Variants in ACO2 observed in about 807,000 individuals in gnomAD.
ACO2 encodes aconitase 2.
In ACO2, 31 loss-of-function variants were observed where a neutral mutation model predicts 84.5. The observed-to-expected ratio is 0.37, with a 90% confidence interval of 0.28 to 0.50. The LOEUF is 0.50. Ranked by LOEUF, ACO2 falls within the 20% of genes least tolerant of loss-of-function variation. The pLI is 0.97. For missense variants in ACO2, 685 were observed against 1,029.3 expected (o/e 0.67, Z 4.58); for synonymous variants, 414 against 412.7 (o/e 1.00, Z -0.04).
intron 1 of ACO2, among the ~76,000 whole-genome samples, chr22:41,470,703 T>G (rs191810181): frequency 1.4e-4 from 21 of 151,976 alleles, no homozygotes; most frequent in Admixed American, 4.6e-4. Flanking sequence ...CCACCATGCT[T>G]GGCTAATTTT....
intron 1 of ACO2, among the ~76,000 whole-genome samples, chr22:41,488,420 G>GA (rs1313147253): frequency 6.6e-6 from 1 of 152,178 alleles, no homozygotes; most frequent in Non-Finnish European, 1.5e-5. Flanking sequence ...GAAAAGCTTG[G>GA]AAGCCTCATG....
At chr22:41,509,898 C>T (rs2146118170) in intron 3 of ACO2, among the ~76,000 whole-genome samples, 1 of 145,494 alleles carries the variant, frequency 6.9e-6, no homozygotes, top group South Asian at 2.2e-4. Context: ...CGGCTCACTG[C>T]AATCTCGGCT....
intron 1 of ACO2, among the ~76,000 whole-genome samples, chr22:41,495,636 T>G (rs1400973338): frequency 6.6e-6 from 1 of 151,526 alleles, no homozygotes; most frequent in Non-Finnish European, 1.5e-5. Context: ...CTTTTTTTTT[T>G]TTGAGACTGA....
intron 15 of ACO2, 24 bp from the exon 16 acceptor site, chr22:41,527,264 A>G: frequency 2.5e-6 from 4 of 1,613,884 alleles, no homozygotes; most frequent in African/African-American, 1.3e-5. Flanking sequence ...CTGCCTTATA[A>G]CCTTACCCCC....
chr22:41,526,763 G>GA (rs1491309531), intron 15 of ACO2: 2 of 366,240 alleles, frequency 5.5e-6, no homozygotes, highest in East Asian at 9.7e-5. Flanking sequence ...AGCTCAGAGA[G>GA]GGGGCTACAC....
chr22:41,512,071 C>T, intron 4 of ACO2, 103 bp downstream of exon 4: 1 of 774,458 alleles, frequency 1.3e-6, no homozygotes, highest in Non-Finnish European at 2.0e-6. Flanking sequence ...CTGAGGGGAA[C>T]TGGATGACAT....
chr22:41,510,316 AC>A (rs1018676448), intron 3 of ACO2, among the ~76,000 whole-genome samples: 34 of 152,284 alleles, frequency 2.2e-4, no homozygotes, highest in Middle Eastern at 3.4e-3. Context: ...ACGTGTAGTC[AC>A]ATGCGCCCAG....
intron 17 of ACO2, chr22:41,528,273 C>T: frequency 1.2e-6 from 1 of 850,842 alleles, no homozygotes. Flanking sequence ...GACAGCCCAC[C>T]CACTGCAGGA....
intron 1 of ACO2, among the ~76,000 whole-genome samples, chr22:41,487,582 C>A (rs533246599): frequency 4.5e-4 from 69 of 152,278 alleles, no homozygotes; most frequent in African/African-American, 1.7e-3. Context: ...CTGCCCCTAA[C>A]TTCTGTTAAC....
intron 9 of ACO2, among the ~76,000 whole-genome samples, chr22:41,521,096 G>T (rs1225084842): frequency 7.6e-6 from 1 of 131,008 alleles, no homozygotes; most frequent in Non-Finnish European, 1.7e-5. Flanking sequence ...TGGCAGAAAA[G>T]AAAAATATGT....
In ACO2 at chr22:41,515,347, C is replaced by G. The variant is rs199518377; in HGVS notation, c.526-30C>G. On this transcript the variant is annotated intron_variant, in intron 4 of 17. Coordinates refer to ENST00000216254, the MANE Select transcript of ACO2 (RefSeq NM_001098.3). The surrounding 1 kb of genome is among the most constrained non-coding windows in gnomAD (Gnocchi z 5.8). The stretch of plus-strand genomic sequence containing the variant: ...TTTTGGTATTCTCGGCTGAGGGCTT[C>G]TAAATATAACATCTTGGATTATTTT... The G allele has an allele frequency of 3.1e-6, 5 of 1,611,720 alleles. No homozygotes were observed. The highest frequency in any genetic ancestry group is 1.7e-5 in the Admixed American group (1 of 59,990).
chr22:41,491,664 C>T (rs982413880), intron 1 of ACO2, among the ~76,000 whole-genome samples: 5 of 152,332 alleles, frequency 3.3e-5, no homozygotes, highest in South Asian at 2.1e-4. Flanking sequence ...TCTAGTTTTA[C>T]GTTCATCTCC....
At position 41,515,994 on chromosome 22, in the gene ACO2, T is replaced by C; in HGVS notation, c.835+77T>C. The C allele has an allele frequency of 6.5e-7, 1 of 1,532,460 alleles. No homozygotes were observed. Among genetic ancestry groups the C allele is most frequent in the East Asian group, 2.4e-5 (1 of 41,260 alleles). The allele number at this position is 1,532,460 out of a possible 1,614,324, so 94.9% of individuals were successfully genotyped here. ...GGTCTCCAGTTGGGAGTAGAAGCGGTGAATGGCCTTCACTTGAGAATCTGT... is the reference window on the plus strand; with the variant it reads ...GGTCTCCAGTTGGGAGTAGAAGCGGCGAATGGCCTTCACTTGAGAATCTGT... On this transcript the variant is annotated intron_variant, in intron 6 of 17. Coordinates refer to ENST00000216254, the MANE Select transcript of ACO2 (RefSeq NM_001098.3). The surrounding 1 kb of genome is among the most constrained non-coding windows in gnomAD (Gnocchi z 5.8).
At position 41,526,921 on chromosome 22, in the gene ACO2, G is replaced by T. The variant is rs1393763236; in HGVS notation, c.1954-367G>T. The T allele has an allele frequency of 2.5e-5, 9 of 358,348 alleles. No individual in the cohort carries two copies. In the East Asian group the frequency reaches 5.4e-4, roughly 22 times the overall value. The allele number at this position is 358,348 out of a possible 1,614,324, so 22.2% of individuals were successfully genotyped here. A position where few individuals can be genotyped will look rare whatever the true frequency, so the allele number is the denominator to read the frequency against. The stretch of plus-strand genomic sequence containing the variant: ...CCCCTGGTGGCTGGGTGGGGCAGAG[G>T]GTGCTCCCAGGAAGGGGGCGCCTTG... On this transcript the variant is annotated intron_variant, in intron 15 of 17. Transcript: ENST00000216254.
intron 2 of ACO2, among the ~76,000 whole-genome samples, chr22:41,505,887 T>C (rs1042363937): frequency 6.6e-6 from 1 of 152,146 alleles, no homozygotes; most frequent in African/African-American, 2.4e-5. Flanking sequence ...ACCTTAAATA[T>C]GCAGTTTATT....
At chr22:41,510,815 C>T (rs950106018) in intron 3 of ACO2, among the ~76,000 whole-genome samples, 1 of 152,150 alleles carries the variant, frequency 6.6e-6, no homozygotes. Flanking sequence ...GGCTACAGCC[C>T]GTGTCATCAT....
chr22:41,525,402 CCT>C (rs1283369071), intron 14 of ACO2, 54 bp downstream of exon 14: 73 of 1,600,688 alleles, frequency 4.6e-5, no homozygotes, highest in South Asian at 4.1e-4. Context: ...CCCCCCGTCC[CCT>C]GAGCATCGGG....
chr22:41,480,108 C>CT (rs1011798642), intron 1 of ACO2, among the ~76,000 whole-genome samples: 1 of 152,178 alleles, frequency 6.6e-6, no homozygotes, highest in Non-Finnish European at 1.5e-5. Context: ...AGCCAGGCAT[C>CT]GCCTACCAGG....
At chr22:41,522,290 G>A (rs1205867686) in intron 9 of ACO2, among the ~76,000 whole-genome samples, 3 of 152,188 alleles carry the variant, frequency 2.0e-5, no homozygotes, top group South Asian at 2.1e-4. Context: ...AGCAAGCCTC[G>A]ACTGTGCCCT....
Sources: gnomAD v4.1 joint callset for allele counts (sites outside exome capture counted in the v4.1 genomes callset) on GRCh38, gnomAD v4.1.1 for gene constraint, Gnocchi (gnomAD v3.1) non-coding constraint, MANE v1.5 for transcripts, NCBI Gene and HGNC (gene_info 2026-07-23, HGNC 2026-07-21) for gene names.